SUGCT: variants seen among roughly 807,000 people sequenced by gnomAD.
The protein encoded by SUGCT is succinyl-CoA:glutarate-CoA transferase.
SUGCT carries 41 observed loss-of-function variants against 55.0 expected under a neutral mutation model. The observed-to-expected ratio is 0.74, with a 90% CI of 0.58 to 0.97. The LOEUF (loss-of-function observed/expected upper bound fraction) is 0.97. SUGCT is among the 50% of genes least tolerant of loss of function. SUGCT has a pLI of 0.00. For missense variants in SUGCT, 568 were observed against 547.8 expected, an observed-to-expected ratio of 1.04 and a Z score of -0.37; for synonymous variants, 187 against 200.4, an observed-to-expected ratio of 0.93 and a Z score of 0.56.
intron 12 of SUGCT, among the ~76,000 whole-genome samples, chr7:40,535,374 T>A (rs1352994385): frequency 6.6e-6 from 1 of 152,190 alleles, no homozygotes; most frequent in African/African-American, 2.4e-5. Context: ...TGTATAGACA[T>A]TGTTACCTCC....
intron 11 of SUGCT, among the ~76,000 whole-genome samples, chr7:40,467,215 A>AAAAAAAAAAAAAAC (rs1790165690): frequency 6.6e-6 from 1 of 151,484 alleles, no homozygotes; most frequent in Non-Finnish European, 1.5e-5. Flanking sequence ...AAAAAAAAAA[A>AAAAAAAAAAAAAAC]AAAAAAAAAA....
At chr7:40,868,060 A>G in the SUGCT span, among the ~76,000 whole-genome samples, 37 of 152,276 alleles carry the variant, frequency 2.4e-4, no homozygotes, top group African/African-American at 8.7e-4. Flanking sequence ...TACTACTCAT[A>G]GTGTCTGTAA....
At chr7:40,293,319 A>G (rs867696754) in intron 8 of SUGCT, among the ~76,000 whole-genome samples, 1 of 152,144 alleles carries the variant, frequency 6.6e-6, no homozygotes, top group African/African-American at 2.4e-5. Flanking sequence ...GGTCCTTCAC[A>G]ACACCAGTGC....
At chr7:40,216,138 G>C (rs1346024806) in intron 6 of SUGCT, among the ~76,000 whole-genome samples, 1 of 149,868 alleles carries the variant, frequency 6.7e-6, no homozygotes, top group Admixed American at 6.6e-5. Context: ...CTTGTTTTGG[G>C]AAATAAAAGG....
intron 11 of SUGCT, among the ~76,000 whole-genome samples, chr7:40,487,364 C>T (rs1485601925): frequency 6.6e-6 from 1 of 150,428 alleles, no homozygotes; most frequent in African/African-American, 2.4e-5. Context: ...GCCTCAGCCT[C>T]CCAAAGTGCT....
intron 9 of SUGCT, among the ~76,000 whole-genome samples, chr7:40,387,026 T>C (rs925934042): frequency 2.0e-5 from 3 of 152,142 alleles, no homozygotes; most frequent in Admixed American, 2.0e-4. Flanking sequence ...CAATAGCCAG[T>C]AAAGGAAATT....
chr7:40,504,653 C>T (rs979084240), intron 12 of SUGCT, among the ~76,000 whole-genome samples: 5 of 152,132 alleles, frequency 3.3e-5, no homozygotes, highest in Admixed American at 1.3e-4. Flanking sequence ...AGGCTGGTCT[C>T]GAACTCCTGG....
intron 6 of SUGCT, among the ~76,000 whole-genome samples, chr7:40,229,407 T>A (rs1387836478): frequency 1.3e-5 from 2 of 151,720 alleles, no homozygotes; most frequent in Non-Finnish European, 2.9e-5. Context: ...TAGTCCCAGC[T>A]ACTCGGGAGA....
chr7:40,592,423 T>C (rs952341141), intron 12 of SUGCT, among the ~76,000 whole-genome samples: 9 of 152,176 alleles, frequency 5.9e-5, no homozygotes, highest in African/African-American at 2.2e-4. Flanking sequence ...CGGTTGACTG[T>C]CTGGGTCTGC....
intron 12 of SUGCT, among the ~76,000 whole-genome samples, chr7:40,504,528 A>G (rs1263746038): frequency 6.6e-6 from 1 of 151,858 alleles, no homozygotes. Context: ...TCTGCCTCTC[A>G]GGCTCAAGCA....
At chr7:40,999,093 T>C in the SUGCT span, among the ~76,000 whole-genome samples, 1 of 152,200 alleles carries the variant, frequency 6.6e-6, no homozygotes, top group African/African-American at 2.4e-5. Context: ...GCTGCCGAAG[T>C]GACACACTTT....
chr7:41,019,762 T>C, the SUGCT span, among the ~76,000 whole-genome samples: 3 of 152,232 alleles, frequency 2.0e-5, no homozygotes, highest in African/African-American at 7.2e-5. Flanking sequence ...GTGTTATCTG[T>C]AAAATCTCTG....
intron 9 of SUGCT, among the ~76,000 whole-genome samples, chr7:40,370,124 A>C (rs574944754): frequency 2.6e-5 from 4 of 152,308 alleles, no homozygotes; most frequent in African/African-American, 9.6e-5. Flanking sequence ...ATTTTGATCT[A>C]CTGCCAGGGT....
At chr7:40,478,339 C>T (rs1476285303) in intron 11 of SUGCT, among the ~76,000 whole-genome samples, 1 of 152,046 alleles carries the variant, frequency 6.6e-6, no homozygotes, top group African/African-American at 2.4e-5. Flanking sequence ...CTACCTGTGC[C>T]AGGCACAAAA....
At chr7:40,143,296 A>G (rs1393828094) in intron 1 of SUGCT, among the ~76,000 whole-genome samples, 2 of 152,214 alleles carry the variant, frequency 1.3e-5, no homozygotes, top group Admixed American at 6.5e-5. Flanking sequence ...GCATCCTGTT[A>G]AGTCTCCAAG....
intron 12 of SUGCT, among the ~76,000 whole-genome samples, chr7:40,616,666 G>A (rs1243578479): frequency 6.6e-6 from 1 of 152,188 alleles, no homozygotes; most frequent in African/African-American, 2.4e-5. Flanking sequence ...ACCATGGAAC[G>A]AGTGAAACAA....
intron 13 of SUGCT, among the ~76,000 whole-genome samples, chr7:40,758,564 T>G (rs1788374283): frequency 6.6e-6 from 1 of 152,096 alleles, no homozygotes; most frequent in Admixed American, 6.6e-5. Context: ...TCCCCAAACC[T>G]TCAGGATTTG....
intron 1 of SUGCT, among the ~76,000 whole-genome samples, chr7:40,139,473 C>T (rs1359761064): frequency 6.6e-6 from 1 of 152,216 alleles, no homozygotes; most frequent in African/African-American, 2.4e-5. Context: ...GCTGGGATTA[C>T]AGGCGTGAGC....
chr7:40,578,343 G>A (rs369466755), intron 12 of SUGCT, among the ~76,000 whole-genome samples: 4 of 152,104 alleles, frequency 2.6e-5, no homozygotes, highest in East Asian at 3.9e-4. Flanking sequence ...AGTACTTTTC[G>A]AAAATACTGT....
Sources: allele counts gnomAD v4.1 joint callset (sites outside exome capture counted in the v4.1 genomes callset), GRCh38; gene constraint gnomAD v4.1.1; transcripts MANE v1.5; gene names NCBI Gene and HGNC (gene_info 2026-07-23, HGNC 2026-07-21).